Variants in ERBB4 observed in about 807,000 individuals in gnomAD.
The protein encoded by ERBB4 is erb-b2 receptor tyrosine kinase 4.
Under a neutral mutation model 158.0 loss-of-function variants are expected in ERBB4, and 42 were observed. That is an observed-to-expected ratio of 0.27 (90% CI 0.21 to 0.34). ERBB4 has a LOEUF of 0.34. Ranked by LOEUF, ERBB4 falls within the 10% of genes least tolerant of loss-of-function variation. ERBB4 has a pLI of 1.00. For missense variants in ERBB4, 1,333 were observed against 1,624.1 expected (o/e 0.82, Z 3.08); for synonymous variants, 583 against 558.7 (o/e 1.04, Z -0.61).
chr2:212,124,468 T>A, intron 2 of ERBB4: 1 of 418,354 alleles, frequency 2.4e-6, no homozygotes, highest in East Asian at 5.0e-5. Flanking sequence ...TCACAGCTTG[T>A]CAGAAAAAGA....
intron 19 of ERBB4, among the ~76,000 whole-genome samples, chr2:211,617,560 T>C (rs1017642230): frequency 7.2e-5 from 11 of 152,108 alleles, no homozygotes; most frequent in African/African-American, 2.7e-4. Flanking sequence ...ATTTAAAATA[T>C]TTAGCAACTG....
At chr2:211,775,794 C>A (rs1229488616) in intron 4 of ERBB4, among the ~76,000 whole-genome samples, 1 of 152,202 alleles carries the variant, frequency 6.6e-6, no homozygotes, top group Non-Finnish European at 1.5e-5. Context: ...TCAGATTTCA[C>A]AAAGGTTTTC....
intron 8 of ERBB4, 109 bp downstream of exon 8, chr2:211,713,426 T>C: frequency 1.4e-6 from 1 of 725,192 alleles, no homozygotes; most frequent in Non-Finnish European, 2.5e-6. Context: ...TGTGGGTAGG[T>C]TTGGTTGTGA....
chr2:211,690,360 T>C (rs2371276), intron 12 of ERBB4, among the ~76,000 whole-genome samples: 72,739 of 151,838 alleles, frequency 0.48, 17,867 homozygotes, highest in Middle Eastern at 0.56. Flanking sequence ...AGTGGAAGGG[T>C]AAAGGCTGAC....
chr2:212,045,906 T>C (rs1016272012), intron 2 of ERBB4, among the ~76,000 whole-genome samples: 1 of 152,228 alleles, frequency 6.6e-6, no homozygotes, highest in Admixed American at 6.5e-5. Context: ...TTTGTAGCTA[T>C]ATCTCTAAGC....
At chr2:211,695,947 C>A (rs1183206771) in intron 12 of ERBB4, among the ~76,000 whole-genome samples, 1 of 149,390 alleles carries the variant, frequency 6.7e-6, no homozygotes, top group African/African-American at 2.5e-5. Context: ...TCTTTTCTTT[C>A]TTTTTATTTC....
rs142795248 is a variant in ERBB4, at chr2:211,909,449, A to G, written c.421+37981T>C. 5.9e-5 allele frequency among the ~76,000 whole-genome samples: 9 copies of G among 151,970 alleles called. 1 individual carries two copies. The East Asian group carries it at 1.8e-3, about 30-fold the overall frequency. The stretch of plus-strand genomic sequence containing the variant: ...GTATTTACACAAACCTAGATGGTAT[A>G]GCCTATTACACACTTAGGAGAAATG... On this transcript the variant is annotated intron_variant, in intron 3 of 27. Transcript: ENST00000342788.
chr2:212,385,976 T>C (rs2090660800), intron 1 of ERBB4, among the ~76,000 whole-genome samples: 2 of 151,838 alleles, frequency 1.3e-5, no homozygotes, highest in African/African-American at 4.8e-5. Flanking sequence ...AATATCCCCA[T>C]TTTCCATATT....
intron 15 of ERBB4, among the ~76,000 whole-genome samples, chr2:211,661,347 G>C (rs1187952203): frequency 6.6e-6 from 1 of 152,062 alleles, no homozygotes; most frequent in African/African-American, 2.4e-5. Context: ...AACTTTTGAA[G>C]AGCCAAAATC....
chr2:211,567,395 AAAC>A (rs1198219872), intron 19 of ERBB4, among the ~76,000 whole-genome samples: 14 of 152,318 alleles, frequency 9.2e-5, no homozygotes, highest in African/African-American at 3.4e-4. Context: ...AACTAAAATC[AAAC>A]AATACATTTG....
chr2:212,300,708 T>A (rs187935165), intron 1 of ERBB4, among the ~76,000 whole-genome samples: 1 of 151,388 alleles, frequency 6.6e-6, no homozygotes, highest in Non-Finnish European at 1.5e-5. Context: ...GCTCAAAACA[T>A]AAGGGTGATA....
intron 1 of ERBB4, among the ~76,000 whole-genome samples, chr2:212,373,763 ACG>A (rs1302170930): frequency 2.0e-4 from 24 of 121,402 alleles, no homozygotes; most frequent in Non-Finnish European, 2.7e-4. Flanking sequence ...GTATATATCC[ACG>A]TATATATCCA....
intron 4 of ERBB4, among the ~76,000 whole-genome samples, chr2:211,770,738 T>C (rs1219789615): frequency 6.6e-6 from 1 of 152,184 alleles, no homozygotes; most frequent in African/African-American, 2.4e-5. Flanking sequence ...TGCAAGCTGC[T>C]TGAGGCTCTC....
chr2:211,702,224 G>A, intron 11 of ERBB4, 58 bp from the exon 12 acceptor site: 1 of 1,239,494 alleles, frequency 8.1e-7, no homozygotes, highest in South Asian at 1.2e-5. Context: ...GTAAAATAAG[G>A]CTGTCACATT....
chr2:212,333,003 T>A (rs2088251488), intron 1 of ERBB4, among the ~76,000 whole-genome samples: 1 of 152,014 alleles, frequency 6.6e-6, no homozygotes, highest in African/African-American at 2.4e-5. Context: ...GGAACTAAGA[T>A]CATCACTCTA....
chr2:211,514,169 T>C (rs1256038913), intron 20 of ERBB4, among the ~76,000 whole-genome samples: 2 of 152,164 alleles, frequency 1.3e-5, no homozygotes, highest in African/African-American at 4.8e-5. Context: ...CTAACCACTG[T>C]TCTATTCTCT....
At chr2:211,956,903 C>T (rs1167412737) in intron 2 of ERBB4, among the ~76,000 whole-genome samples, 1 of 152,000 alleles carries the variant, frequency 6.6e-6, no homozygotes, top group Non-Finnish European at 1.5e-5. Context: ...GGTGTGATCA[C>T]AGCTCACTGC....
chr2:211,918,694 T>C (rs973249046), intron 3 of ERBB4, among the ~76,000 whole-genome samples: 2 of 152,090 alleles, frequency 1.3e-5, no homozygotes, highest in African/African-American at 4.8e-5. Context: ...TCTAGTGAAA[T>C]GTGAAATAGA....
At chr2:212,185,145 C>T (rs544129164) in intron 1 of ERBB4, among the ~76,000 whole-genome samples, 7 of 151,774 alleles carry the variant, frequency 4.6e-5, no homozygotes, top group Admixed American at 2.0e-4. Flanking sequence ...CTGTGCCTCC[C>T]GAGTATCTGG....
Sources: gnomAD v4.1 joint callset for allele counts (sites outside exome capture counted in the v4.1 genomes callset) on GRCh38, gnomAD v4.1.1 for gene constraint, MANE v1.5 for transcripts, NCBI Gene and HGNC (gene_info 2026-07-23, HGNC 2026-07-21) for gene names.